The following MEMO1 variants were observed in gnomAD, a reference collection of about 807,000 sequenced individuals.
MEMO1 encodes the protein protein MEMO1.
MEMO1 carries 6 observed loss-of-function variants against 45.2 expected under a neutral mutation model. That is an observed-to-expected ratio of 0.13 (90% CI 0.07 to 0.26). The LOEUF is 0.26. Among genes scored for constraint, MEMO1 ranks in the 10% least tolerant of loss-of-function variants. The pLI is 1.00. For synonymous variants in MEMO1, 78 were observed against 124.3 expected (o/e 0.63, Z 2.48); for missense variants, 184 against 370.5 (o/e 0.50, Z 4.13).
At chr2:31,913,284 T>C (rs1214677087) in intron 6 of MEMO1, among the ~76,000 whole-genome samples, 1 of 137,310 alleles carries the variant, frequency 7.3e-6, no homozygotes, top group African/African-American at 2.7e-5. Flanking sequence ...GAAATTTAAA[T>C]AATACCTTAG....
At chr2:31,944,820 T>A (rs1666009461) in intron 2 of MEMO1, among the ~76,000 whole-genome samples, 1 of 152,280 alleles carries the variant, frequency 6.6e-6, no homozygotes, top group Admixed American at 6.5e-5. Flanking sequence ...CTGCTTGCCA[T>A]CCATTCTTTC....
chr2:31,946,504 T>C (rs891659973), intron 2 of MEMO1, among the ~76,000 whole-genome samples: 2 of 152,174 alleles, frequency 1.3e-5, no homozygotes, highest in Admixed American at 1.3e-4. Context: ...GAAAAATAAG[T>C]TACGTGTCAC....
chr2:31,906,233 G>C (rs1447563507), intron 6 of MEMO1, among the ~76,000 whole-genome samples: 1 of 152,018 alleles, frequency 6.6e-6, no homozygotes, highest in African/African-American at 2.4e-5. Context: ...ACCTCCCAAA[G>C]TGCTGGGATT....
intron 2 of MEMO1, among the ~76,000 whole-genome samples, chr2:31,969,662 G>C (rs1214021752): frequency 1.4e-5 from 2 of 147,566 alleles, no homozygotes; most frequent in Non-Finnish European, 3.0e-5. Flanking sequence ...TGTTGCCCAG[G>C]CTGGAGTGCA....
In MEMO1 at chr2:31,967,367, G is replaced by A. The variant is rs1047329533; in HGVS notation, c.62-23984C>T. 2.1e-4 allele frequency among the ~76,000 whole-genome samples: 32 copies of A among 152,098 alleles called. 1 individual carries two copies. The South Asian group carries it at 3.1e-3, about 15-fold the overall frequency. On this transcript the variant is annotated intron_variant, in intron 2 of 9. Coordinates refer to ENST00000404530, the MANE Select transcript of MEMO1 (RefSeq NM_001301833.4). ...TCTCGATCTCCTGACCTCGTGATCC[G>A]CCTGCCTCAGCCTCCCAAAGTGCTG...
At chr2:31,985,282 AG>A (rs1298025626) in intron 2 of MEMO1, among the ~76,000 whole-genome samples, 4 of 152,256 alleles carry the variant, frequency 2.6e-5, no homozygotes, top group African/African-American at 9.6e-5. Flanking sequence ...AATGATTCTT[AG>A]AAAATTATAA....
intron 8 of MEMO1, among the ~76,000 whole-genome samples, chr2:31,870,501 A>G (rs2147868471): frequency 6.6e-6 from 1 of 152,350 alleles, no homozygotes; most frequent in South Asian, 2.1e-4. Context: ...GTTTGTGGAA[A>G]AAAATGACAC....
chr2:31,970,261 C>T (rs1413082501), intron 2 of MEMO1, among the ~76,000 whole-genome samples: 6 of 152,026 alleles, frequency 3.9e-5, no homozygotes, highest in East Asian at 1.9e-4. Flanking sequence ...TGAGCCACCG[C>T]GCCTGGCCTC....
intron 2 of MEMO1, among the ~76,000 whole-genome samples, chr2:31,952,291 A>G (rs1340465297): frequency 1.3e-5 from 2 of 152,170 alleles, no homozygotes; most frequent in Admixed American, 1.3e-4. Flanking sequence ...GCTATACTGT[A>G]TTTCAGAATA....
rs112164392 is a variant in MEMO1 at position 31,883,251 on chromosome 2, T to G, written c.657+135A>C. ...ATTATTCTTATAGTCAGTATTTATA[T>G]GATGACACATTGCATTTTGTACATT... On this transcript the variant is annotated intron_variant, in intron 8 of 9. Transcript: ENST00000404530. 7.5e-6 allele frequency: 5 copies of G among 666,148 alleles called. 2 individuals carry two copies. The African/African-American group carries it at 9.5e-5, about 13-fold the overall frequency. 41.3% of individuals were successfully genotyped at this position (666,148 alleles called of 1,614,324 possible).
At chr2:31,875,847 C>G (rs545736547) in intron 8 of MEMO1, among the ~76,000 whole-genome samples, 2 of 151,992 alleles carry the variant, frequency 1.3e-5, no homozygotes, top group East Asian at 3.9e-4. Flanking sequence ...CCACCATGCC[C>G]GACTAATTTT....
chr2:31,883,474 T>C lies in MEMO1; in HGVS notation c.581-12A>G, dbSNP rs1430508071. 6.4e-7 allele frequency: 1 copy of C among 1,550,950 alleles called. No homozygotes were observed. Among genetic ancestry groups the C allele is most frequent in the South Asian group, 1.2e-5 (1 of 80,416 alleles). On this transcript the variant is annotated splice_polypyrimidine_tract_variant and intron_variant, in intron 7 of 9. Transcript: ENST00000404530. Reference sequence around the variant, plus strand: ...ACGGAACCTTTGACCTTGAAACAAATATCATGTACAAAATAAAATAGGGAA... The same window carrying C: ...ACGGAACCTTTGACCTTGAAACAAACATCATGTACAAAATAAAATAGGGAA...
intron 3 of MEMO1, among the ~76,000 whole-genome samples, chr2:31,940,688 C>T (rs1336596818): frequency 6.6e-6 from 1 of 152,100 alleles, no homozygotes; most frequent in Non-Finnish European, 1.5e-5. Context: ...ACTACAGTTG[C>T]ATCCCATCAC....
intron 2 of MEMO1, among the ~76,000 whole-genome samples, chr2:31,962,103 G>C (rs1435736352): frequency 1.3e-5 from 2 of 152,094 alleles, no homozygotes; most frequent in Non-Finnish European, 1.5e-5. Context: ...TTGATACAAA[G>C]AATGGCCAGG....
intron 2 of MEMO1, among the ~76,000 whole-genome samples, chr2:31,989,291 T>C (rs542730076): frequency 6.6e-6 from 1 of 150,994 alleles, no homozygotes; most frequent in South Asian, 2.1e-4. Flanking sequence ...TCAGGGAAAG[T>C]AACCAACAAT....
chr2:31,893,246 T>A, intron 6 of MEMO1: 1 of 918,216 alleles, frequency 1.1e-6, no homozygotes, highest in South Asian at 2.1e-5. Flanking sequence ...CCTTACCCTG[T>A]CAATTGCGAA....
At chr2:31,996,234 G>A (rs1376241260) in intron 2 of MEMO1, among the ~76,000 whole-genome samples, 2 of 150,820 alleles carry the variant, frequency 1.3e-5, no homozygotes, top group South Asian at 4.2e-4. Context: ...GAGAGAGAGA[G>A]AAAGAAACAA....
intron 2 of MEMO1, among the ~76,000 whole-genome samples, chr2:31,959,215 G>A (rs748056999): frequency 3.5e-4 from 54 of 152,152 alleles, no homozygotes; most frequent in Non-Finnish European, 1.8e-4. Flanking sequence ...AAGGGATCAA[G>A]AGATTTCAGA....
At chr2:31,921,807 T>C (rs1682349425) in intron 4 of MEMO1, among the ~76,000 whole-genome samples, 1 of 152,122 alleles carries the variant, frequency 6.6e-6, no homozygotes, top group Non-Finnish European at 1.5e-5. Flanking sequence ...CTTTCTCTAT[T>C]CCCATTCAAG....
Sources: allele counts gnomAD v4.1 joint callset (sites outside exome capture counted in the v4.1 genomes callset), GRCh38; gene constraint gnomAD v4.1.1; transcripts MANE v1.5; gene names NCBI Gene and HGNC (gene_info 2026-07-23, HGNC 2026-07-21).